Variants in PARP3 observed in about 807,000 individuals in gnomAD.
PARP3 encodes protein mono-ADP-ribosyltransferase PARP3.
Under a neutral mutation model 58.2 loss-of-function variants are expected in PARP3, and 46 were observed. That is an observed-to-expected ratio of 0.79 (90% CI 0.62 to 1.01). PARP3 has a LOEUF of 1.01. Among genes scored for constraint, PARP3 ranks in the 50% least tolerant of loss-of-function variants. PARP3 has a pLI of 0.00. For synonymous variants in PARP3, 252 were observed against 266.4 expected (o/e 0.95, Z 0.53); for missense variants, 663 against 683.9 (o/e 0.97, Z 0.34).
In PARP3 at chr3:51,947,863, A is replaced by C; in HGVS notation, c.1400A>C (p.Asp467Ala). 6.2e-7 allele frequency: 1 copy of C among 1,614,098 alleles called. No homozygotes were observed. Among genetic ancestry groups the C allele is most frequent in the Non-Finnish European group, 8.5e-7 (1 of 1,180,026 alleles). ...TTGAAGAGCCCACCTCCTGGCTTCGACAGTGTCATTGCCCGAGGCCACACC... is the reference window on the plus strand; with the variant it reads ...TTGAAGAGCCCACCTCCTGGCTTCGCCAGTGTCATTGCCCGAGGCCACACC... ...PSLKSPPPGF[D>A]SVIARGHTEP... Residue 467 changes from aspartate (D) to alanine (A), a missense_variant, in exon 10 of 11, where the codon GAC (aspartate) becomes GCC (alanine). Physicochemically the swap from Asp to Ala is moderately radical, Grantham distance 126. Transcript: ENST00000398755.
chr3:51,943,668 A>AT, intron 2 of PARP3, 130 bp downstream of exon 2: 1 of 844,870 alleles, frequency 1.2e-6, no homozygotes, highest in Non-Finnish European at 1.9e-6. Flanking sequence ...GAGCAAGGCC[A>AT]TGTTCTCCTG....
At chr3:51,943,015 CT>C in intron 1 of PARP3, 1 of 1,398,584 alleles carries the variant, frequency 7.2e-7, no homozygotes, top group African/African-American at 1.4e-5. Flanking sequence ...AGAGAGCCTC[CT>C]TTCACTTTCC....
At position 51,945,014 on chromosome 3, in the gene PARP3, C is replaced by T. The variant is rs777257572; in HGVS notation, c.651C>T (p.Pro217=). Residue 217 remains proline, a synonymous_variant, in exon 6 of 11, where the codon CCC becomes CCT. Coordinates refer to ENST00000398755, the MANE Select transcript of PARP3 (RefSeq NM_001003931.4). ...ALMDLDVKKM[P]LGKLSKQQIA... ...TCCCCCTAGATGTGAAGAAGATGCC[C>T]CTGGGAAAGCTGAGCAAGCAACAGA... The T allele has an allele frequency of 1.9e-6, 3 of 1,613,886 alleles. No homozygotes were observed. The highest frequency in any genetic ancestry group is 2.5e-6 in the Non-Finnish European group (3 of 1,180,014).
In PARP3 at chr3:51,947,834, C is replaced by T. The variant is rs1317240832; in HGVS notation, c.1371C>T (p.Pro457=). Reference sequence around the variant, plus strand: ...AGCACCATATCAACACGGACAACCCCAGCTTGAAGAGCCCACCTCCTGGCT... The same window carrying T: ...AGCACCATATCAACACGGACAACCCTAGCTTGAAGAGCCCACCTCCTGGCT... The part of the protein sequence containing the change: ...GREHHINTDN[P]SLKSPPPGFD... Residue 457 remains proline, a synonymous_variant, in exon 10 of 11, where the codon CCC becomes CCT. Transcript: ENST00000398755. 4.3e-6 allele frequency: 7 copies of T among 1,613,968 alleles called. No homozygotes were observed. In the South Asian group the frequency reaches 6.6e-5, roughly 15 times the overall value.
Position 51,946,238 on chromosome 3 carries a change from GTGGCCGC to G in PARP3, c.1172_1178del (p.Val391AlafsTer37). ...GTGGCATGGCACCAACATGGCCGTG[GTGGCCGC>G]CATCCTCACTAGTGGGCTCCGCATC... is the stretch of plus-strand genomic sequence containing the variant. On this transcript the variant is annotated frameshift_variant, in exon 9 of 11. Coordinates refer to ENST00000398755, the MANE Select transcript of PARP3 (RefSeq NM_001003931.4). LOFTEE classifies it high-confidence loss of function. The surrounding 1 kb of genome is among the most constrained non-coding windows in gnomAD (Gnocchi z 4.6). The G allele has an allele frequency of 6.2e-7, 1 of 1,613,990 alleles. No individual in the cohort carries two copies.
chr3:51,946,176 T>C lies in PARP3; in HGVS notation c.1109T>C (p.Phe370Ser). 6.2e-7 allele frequency: 1 copy of C among 1,600,396 alleles called. No homozygotes were observed. The highest frequency in any genetic ancestry group is 1.1e-5 in the South Asian group (1 of 88,520). ...TTCCTCTCCACTCAGGAAGACAGAT[T>C]CCAGGCCCACTCCAAACTGGGTAAT... is the stretch of plus-strand genomic sequence containing the variant. ...KVNQEGEEDRFQAHSKLGNRK... is the reference protein window; with the variant it reads ...KVNQEGEEDRSQAHSKLGNRK... Residue 370 changes from phenylalanine to serine, a missense_variant, in exon 9 of 11, where the codon TTC becomes TCC. This residue lies in a region of PARP3 where 567 missense variants were observed against 553.6 expected (regional missense o/e 1.02). Coordinates refer to ENST00000398755, the MANE Select transcript of PARP3 (RefSeq NM_001003931.4). This position sits in a 1 kb window ranked among gnomAD's most constrained non-coding sequence, Gnocchi z 4.6.
chr3:51,945,342 A>G, intron 6 of PARP3, 118 bp downstream of exon 6: 2 of 1,367,644 alleles, frequency 1.5e-6, no homozygotes, highest in South Asian at 1.3e-5. Context: ...GGGCAGGCTG[A>G]CAGACGGGTG....
Position 51,944,623 on chromosome 3 carries a change from G to A in PARP3, c.501+45G>A, listed in dbSNP as rs1318200909. The A allele has an allele frequency of 6.2e-7, 1 of 1,601,058 alleles. No homozygotes were observed. The highest frequency in any genetic ancestry group is 2.2e-5 in the East Asian group (1 of 44,692). Reference sequence around the variant, plus strand: ...TGGGCAGGCCCTGGACTGAGGGAGGGGACTCGTTGGAGAGTTCCCGCTGGT... The same window carrying A: ...TGGGCAGGCCCTGGACTGAGGGAGGAGACTCGTTGGAGAGTTCCCGCTGGT... On this transcript the variant is annotated intron_variant, in intron 4 of 10. Transcript: ENST00000398755. The surrounding 1 kb of genome is among the most constrained non-coding windows in gnomAD (Gnocchi z 4.2).
chr3:51,945,783 G>A (rs1054211490), intron 7 of PARP3, 70 bp from the exon 8 acceptor site: 12 of 1,535,066 alleles, frequency 7.8e-6, no homozygotes, highest in South Asian at 1.1e-5. Context: ...GCTTGGGACT[G>A]GGGGAAGAAA....
At position 51,942,428 on chromosome 3, in the gene PARP3, C is replaced by T; in HGVS notation, c.-283C>T. ...ATGAGCAGCGCTACGGACGCGACTG[C>T]CCCGGCCTTGGATATGCCAGATCGA... On this transcript the variant is annotated 5_prime_UTR_variant, in exon 1 of 11. Coordinates refer to ENST00000398755, the MANE Select transcript of PARP3 (RefSeq NM_001003931.4). The T allele has an allele frequency of 1.7e-6, 1 of 586,346 alleles. No homozygotes were observed. The highest frequency in any genetic ancestry group is 1.9e-5 in the African/African-American group (1 of 53,984). 36.3% of individuals were successfully genotyped at this position (586,346 alleles called of 1,614,324 possible). A position where few individuals can be genotyped will look rare whatever the true frequency, so the allele number is the denominator to read the frequency against.
Position 51,944,956 on chromosome 3 carries a change from A to C in PARP3, c.635-42A>C. ...AGGGTGGCAGGGGCCTCAGGGTGGC[A>C]GGGCTGTGGGGCTGAGTCTCCCCAC... On this transcript the variant is annotated intron_variant, in intron 5 of 10. Transcript: ENST00000398755. This position sits in a 1 kb window ranked among gnomAD's most constrained non-coding sequence, Gnocchi z 4.2. 1 of 1,612,890 alleles carries C rather than the reference A, an allele frequency of 6.2e-7. No homozygotes were observed.
rs368734491 is a variant in PARP3 at position 51,944,068 on chromosome 3, C to T, written c.184-21C>T. The T allele has an allele frequency of 1.5e-4, 243 of 1,611,444 alleles. No individual in the cohort carries two copies. Among genetic ancestry groups the T allele is most frequent in the Admixed American group, 2.2e-4 (13 of 59,898 alleles). On this transcript the variant is annotated intron_variant, in intron 2 of 10. Coordinates refer to ENST00000398755, the MANE Select transcript of PARP3 (RefSeq NM_001003931.4). This position sits in a 1 kb window ranked among gnomAD's most constrained non-coding sequence, Gnocchi z 4.2. ...CCATCTGACCCCAGCCAGCCTGCCC[C>T]CCACCTCCCCTCTGGCCCAGGTGTA...
At chr3:51,942,870 G>A in intron 1 of PARP3, 162 bp downstream of exon 1, 2 of 1,435,038 alleles carry the variant, frequency 1.4e-6, no homozygotes, top group East Asian at 2.6e-5. Flanking sequence ...TAAGCTCCGG[G>A]AGGATAATCT....
Position 51,945,217 on chromosome 3 carries a change from T to C in PARP3, c.854T>C (p.Met285Thr), listed in dbSNP as rs1039524045. 6.2e-7 allele frequency: 1 copy of C among 1,613,428 alleles called. No individual in the cohort carries two copies. Among genetic ancestry groups the C allele is most frequent in the African/African-American group, 1.3e-5 (1 of 74,870 alleles). Residue 285 changes from methionine to threonine, a missense_variant, in exon 6 of 11, where the codon ATG becomes ACG. By Grantham distance (81) the Met-to-Thr change is moderately conservative (BLOSUM62 -1). Around this residue, in one of 3 missense-constraint regions of PARP3, gnomAD observed 567 missense variants for 553.6 expected, o/e 1.02. Transcript: ENST00000398755. Reference protein sequence around the residue: ...SPELLQAKKDMLLVLADIELA... With the variant: ...SPELLQAKKDTLLVLADIELA... ...GAGCTTCTGCAGGCCAAGAAGGACATGCTGCTGGTGAGGGCTGGCAGGGGT... is the reference window on the plus strand; with the variant it reads ...GAGCTTCTGCAGGCCAAGAAGGACACGCTGCTGGTGAGGGCTGGCAGGGGT...
Position 51,944,328 on chromosome 3 carries a change from G to A in PARP3, c.313-62G>A. 6.2e-7 allele frequency: 1 copy of A among 1,607,664 alleles called. No homozygotes were observed. Among genetic ancestry groups the A allele is most frequent in the Non-Finnish European group, 8.5e-7 (1 of 1,176,024 alleles). On this transcript the variant is annotated intron_variant, in intron 3 of 10. Transcript: ENST00000398755. The surrounding 1 kb of genome is among the most constrained non-coding windows in gnomAD (Gnocchi z 4.2). Reference sequence around the variant, plus strand: ...CCCAGGGCACTCAGCACAGGGCCTGGCCCGACACACAGGCCAGCAAATGCT... The same window carrying A: ...CCCAGGGCACTCAGCACAGGGCCTGACCCGACACACAGGCCAGCAAATGCT...
At position 51,943,403 on chromosome 3, in the gene PARP3, G is replaced by A. The variant is rs189015907; in HGVS notation, c.48G>A (p.Lys16=). 1,836 of 1,603,108 alleles carry A rather than the reference G, an allele frequency of 1.1e-3. 45 individuals are homozygous for A. The East Asian group carries it at 0.039, about 34-fold the overall frequency. ...GGGTACAGACTGAGGGCCCTGAGAA[G>A]AAGAAGGGCCGGCAGGCAGGAAGGG... ...KPWVQTEGPE[K]KKGRQAGREE... is the part of the protein sequence containing the mutation. The change falls in exon 2 of 11, where the codon AAG becomes AAA. Residue 16 remains lysine (K), a synonymous_variant. Transcript: ENST00000398755.
Position 51,942,868 on chromosome 3 carries a change from G to A in PARP3, c.-3+160G>A, listed in dbSNP as rs537383982. 503 of 1,435,710 alleles carry A rather than the reference G, an allele frequency of 3.5e-4. 1 individual carries two copies. The highest frequency in any genetic ancestry group is 4.2e-4 in the Non-Finnish European group (461 of 1,093,588). 88.9% of individuals were successfully genotyped at this position (1,435,710 alleles called of 1,614,324 possible). A position where few individuals can be genotyped will look rare whatever the true frequency, so the allele number is the denominator to read the frequency against. On this transcript the variant is annotated intron_variant, in intron 1 of 10. Transcript: ENST00000398755. ...TCTACAGCTCTGGGTTCTAAGCTCCGGGAGGATAATCTGGCCCCAAGAATC... is the reference window on the plus strand; with the variant it reads ...TCTACAGCTCTGGGTTCTAAGCTCCAGGAGGATAATCTGGCCCCAAGAATC...
rs770994413 is a variant in PARP3 at position 51,946,190 on chromosome 3, A to C, written c.1123A>C (p.Lys375Gln). 6.2e-7 allele frequency: 1 copy of C among 1,607,842 alleles called. No individual in the cohort carries two copies. Among genetic ancestry groups the C allele is most frequent in the Non-Finnish European group, 8.5e-7 (1 of 1,176,532 alleles). The stretch of plus-strand genomic sequence containing the variant: ...GGAAGACAGATTCCAGGCCCACTCC[A>C]AACTGGGTAATCGGAAGCTGCTGTG... Reference protein sequence around the residue: ...GEEDRFQAHSKLGNRKLLWHG... With the variant: ...GEEDRFQAHSQLGNRKLLWHG... The change falls in exon 9 of 11, where the codon AAA becomes CAA. Residue 375 changes from lysine to glutamine, a missense_variant. Transcript: ENST00000398755. The surrounding 1 kb of genome is among the most constrained non-coding windows in gnomAD (Gnocchi z 4.6).
In PARP3 at chr3:51,946,473, CA is replaced by C. The variant is rs1699679667; in HGVS notation, c.1276+131del. 1 of 760,996 alleles carries C rather than the reference CA, an allele frequency of 1.3e-6. No homozygotes were observed. The highest frequency in any genetic ancestry group is 2.1e-6 in the Non-Finnish European group (1 of 485,974). 47.1% of individuals were successfully genotyped at this position (760,996 alleles called of 1,614,324 possible). A position where few individuals can be genotyped will look rare whatever the true frequency, so the allele number is the denominator to read the frequency against. On this transcript the variant is annotated intron_variant, in intron 9 of 10. Transcript: ENST00000398755. This position sits in a 1 kb window ranked among gnomAD's most constrained non-coding sequence, Gnocchi z 4.6. ...TTTAATGGTTAATGACTACAGTGCTCAGTGGGCTGTCCTGGGCTTTGGTGGC... is the reference window on the plus strand; with the variant it reads ...TTTAATGGTTAATGACTACAGTGCTCGTGGGCTGTCCTGGGCTTTGGTGGC...
Sources: allele counts gnomAD v4.1 joint callset, GRCh38; gene constraint gnomAD v4.1.1; regional missense constraint gnomAD v4.1.1; non-coding constraint Gnocchi (gnomAD v3.1); transcripts MANE v1.5; gene names NCBI Gene and HGNC (gene_info 2026-07-23, HGNC 2026-07-21).